Variants in TTC7A observed in about 807,000 individuals in gnomAD.
TTC7A encodes tetratricopeptide repeat protein 7A.
TTC7A carries 110 observed loss-of-function variants against 103.7 expected under a neutral mutation model. The observed-to-expected ratio is 1.06, with a 90% CI of 0.91 to 1.24. The LOEUF is 1.24. Among genes scored for constraint, TTC7A ranks in the 50% most tolerant of loss-of-function variants. TTC7A has a pLI of 0.00. For missense variants in TTC7A, 1,340 were observed against 1,116.3 expected, an observed-to-expected ratio of 1.20 and a Z score of -2.86; for synonymous variants, 521 against 467.9, an observed-to-expected ratio of 1.11 and a Z score of -1.47.
At chr2:47,071,388 CCT>C (rs897122642) in intron 19 of TTC7A, among the ~76,000 whole-genome samples, 18 of 152,290 alleles carry the variant, frequency 1.2e-4, no homozygotes, top group African/African-American at 4.3e-4. Flanking sequence ...AGAGCCATGC[CCT>C]CTCCCAGCTT....
rs1374101195 is a variant in TTC7A, at chr2:46,956,760, C to T, written c.349-79C>T. 8 of 1,537,796 alleles carry T rather than the reference C, an allele frequency of 5.2e-6. No homozygotes were observed. The African/African-American group carries it at 9.5e-5, about 18-fold the overall frequency. The stretch of plus-strand genomic sequence containing the variant: ...AGTTCTGAGCAAGGTCTGAGGCAAA[C>T]AAGGTCCAGGTTCAGTGGGGGTGTT... On this transcript the variant is annotated intron_variant, in intron 2 of 19. Transcript: ENST00000319190.
Position 46,941,569 on chromosome 2 carries a change from T to C in TTC7A, c.28T>C (p.Tyr10His), listed in dbSNP as rs1424700363. The C allele has an allele frequency of 1.9e-6, 3 of 1,556,934 alleles. No individual in the cohort carries two copies. The highest frequency in any genetic ancestry group is 2.4e-5 in the East Asian group (1 of 41,514). The change falls in exon 1 of 20, where the codon TAC becomes CAC. Residue 10 changes from tyrosine (Y) to histidine (H), a missense_variant. Physicochemically the swap from Tyr to His is moderately conservative, Grantham distance 83. Coordinates refer to ENST00000319190, the MANE Select transcript of TTC7A (RefSeq NM_020458.4). The surrounding 1 kb of genome is among the most constrained non-coding windows in gnomAD (Gnocchi z 4.2). Reference sequence around the variant, plus strand: ...GGCTGCGAAGGGCGCGCACGGCTCCTACCTGAAGGTGGAGAGCGAGCTGGA... The same window carrying C: ...GGCTGCGAAGGGCGCGCACGGCTCCCACCTGAAGGTGGAGAGCGAGCTGGA... MAAKGAHGS[Y>H]LKVESELERC...
intron 16 of TTC7A, among the ~76,000 whole-genome samples, chr2:47,049,354 C>A (rs373341104): frequency 3.9e-5 from 6 of 152,010 alleles, no homozygotes; most frequent in Admixed American, 6.6e-5. Flanking sequence ...ACCCCTCCCC[C>A]CCGCCAGCAG....
intron 2 of TTC7A, among the ~76,000 whole-genome samples, chr2:46,921,177 G>T (rs151265033): frequency 3.3e-5 from 5 of 152,090 alleles, no homozygotes; most frequent in African/African-American, 4.8e-5. Flanking sequence ...GCTTTAAGCC[G>T]TTAGAGAACA....
At chr2:47,065,759 C>T (rs1260893375) in intron 19 of TTC7A, 1 of 152,236 alleles carries the variant, frequency 6.6e-6, no homozygotes, top group Non-Finnish European at 1.5e-5. Context: ...ACAGAGCCAC[C>T]CACTCTCCCT....
intron 18 of TTC7A, chr2:47,054,240 A>G: frequency 8.0e-6 from 7 of 870,888 alleles, no homozygotes; most frequent in Non-Finnish European, 9.5e-6. Context: ...GTGGGTGCTT[A>G]TTTCTTTCTC....
At chr2:47,022,487 T>C (rs182320925) in intron 12 of TTC7A, among the ~76,000 whole-genome samples, 1 of 152,318 alleles carries the variant, frequency 6.6e-6, no homozygotes, top group African/African-American at 2.4e-5. Flanking sequence ...ATTCTGCTCC[T>C]TCCTGCCCCA....
intron 2 of TTC7A, among the ~76,000 whole-genome samples, chr2:46,950,808 T>C (rs1671342690): frequency 6.6e-6 from 1 of 152,218 alleles, no homozygotes; most frequent in Non-Finnish European, 1.5e-5. Context: ...GTTGATTACA[T>C]GTTCAGATGG....
At chr2:47,068,610 G>C (rs1475754133) in intron 19 of TTC7A, 1 of 152,092 alleles carries the variant, frequency 6.6e-6, no homozygotes, top group African/African-American at 2.4e-5. Context: ...CCCATGGTGT[G>C]GGGGGTATGA....
At chr2:46,967,372 C>T (rs530728645) in intron 3 of TTC7A, among the ~76,000 whole-genome samples, 3 of 152,160 alleles carry the variant, frequency 2.0e-5, no homozygotes, top group African/African-American at 4.8e-5. Context: ...TTTTACCTTG[C>T]GAAACCAAAA....
intron 11 of TTC7A, among the ~76,000 whole-genome samples, chr2:47,018,249 C>T (rs1469264309): frequency 6.8e-6 from 1 of 146,554 alleles, no homozygotes; most frequent in East Asian, 2.0e-4. Context: ...TGTACTCCAA[C>T]CTAGTGGGTG....
At chr2:47,061,292 T>G (rs192881281) in intron 19 of TTC7A, among the ~76,000 whole-genome samples, 3 of 152,202 alleles carry the variant, frequency 2.0e-5, no homozygotes, top group African/African-American at 7.2e-5. Flanking sequence ...CCCAAAAGGC[T>G]CTCATTGTTA....
Position 47,046,555 on chromosome 2 carries a change from G to C in TTC7A, c.1919+124G>C, listed in dbSNP as rs553307063. On this transcript the variant is annotated intron_variant, in intron 16 of 19. Coordinates refer to ENST00000319190, the MANE Select transcript of TTC7A (RefSeq NM_020458.4). Reference sequence around the variant, plus strand: ...AGTGAGGCTTTTGAATGAGAGCGTGGAACTTCCTGCCCACAGAGCTTTCAC... The same window carrying C: ...AGTGAGGCTTTTGAATGAGAGCGTGCAACTTCCTGCCCACAGAGCTTTCAC... 185 of 726,796 alleles carry C rather than the reference G, an allele frequency of 2.5e-4. No individual in the cohort carries two copies. The African/African-American group carries it at 2.9e-3, about 12-fold the overall frequency. 45.0% of individuals were successfully genotyped at this position (726,796 alleles called of 1,614,324 possible).
intron 15 of TTC7A, among the ~76,000 whole-genome samples, chr2:47,038,437 G>T (rs894129358): frequency 2.6e-5 from 4 of 152,188 alleles, no homozygotes; most frequent in African/African-American, 7.2e-5. Flanking sequence ...TCCTGGCCAA[G>T]GAATTAGACT....
intron 3 of TTC7A, among the ~76,000 whole-genome samples, chr2:46,970,039 G>C (rs1673216014): frequency 6.6e-6 from 1 of 152,094 alleles, no homozygotes; most frequent in Admixed American, 6.6e-5. Context: ...CACCCAGCTG[G>C]AGTGCGGTGG....
rs1260915409 is a variant in TTC7A at position 47,051,633 on chromosome 2, T to C, written c.2018-113T>C. 2.9e-6 allele frequency: 4 copies of C among 1,403,346 alleles called. No individual in the cohort carries two copies. The African/African-American group carries it at 5.7e-5, about 20-fold the overall frequency. The allele number at this position is 1,403,346 out of a possible 1,614,324, so 86.9% of individuals were successfully genotyped here. On this transcript the variant is annotated intron_variant, in intron 17 of 19. Transcript: ENST00000319190. ...TTCTGGCTGCCCAGCCGCACCACCC[T>C]ACCCTGATTCAGGGTGCCCTGTCTC...
At chr2:46,924,690 G>A (rs1572639035) in intron 2 of TTC7A, among the ~76,000 whole-genome samples, 1 of 151,938 alleles carries the variant, frequency 6.6e-6, no homozygotes, top group East Asian at 1.9e-4. Context: ...GCAGTGGTGC[G>A]ATCTCAGCAC....
intron 16 of TTC7A, among the ~76,000 whole-genome samples, chr2:47,048,737 G>A (rs1682574633): frequency 6.6e-6 from 1 of 152,114 alleles, no homozygotes; most frequent in Non-Finnish European, 1.5e-5. Context: ...CAAATAGCTG[G>A]GACTGCAGGC....
intron 15 of TTC7A, among the ~76,000 whole-genome samples, chr2:47,043,971 G>A (rs1682039056): frequency 6.6e-6 from 1 of 152,218 alleles, no homozygotes; most frequent in African/African-American, 2.4e-5. Flanking sequence ...GCAGAGAGAA[G>A]TGTGATGCCT....
Sources: gnomAD v4.1 joint callset for allele counts (sites outside exome capture counted in the v4.1 genomes callset) on GRCh38, gnomAD v4.1.1 for gene constraint, Gnocchi (gnomAD v3.1) non-coding constraint, MANE v1.5 for transcripts, NCBI Gene and HGNC (gene_info 2026-07-23, HGNC 2026-07-21) for gene names.